The following ANK2 variants were observed in gnomAD, a reference collection of about 807,000 sequenced individuals.
ANK2 encodes ankyrin 2, also known as ankyrin-2.
ANK2 carries 83 observed loss-of-function variants against 360.5 expected under a neutral mutation model. The ratio of observed to expected loss-of-function variants is 0.23; its 90% CI spans 0.19 to 0.28. The LOEUF (loss-of-function observed/expected upper bound fraction) is 0.28. ANK2 is among the 10% of genes least tolerant of loss of function. The pLI, the probability that ANK2 is intolerant of heterozygous loss-of-function variation, is 1.00. For missense variants in ANK2, 4,201 were observed against 4,795.7 expected (o/e 0.88, Z 3.66); for synonymous variants, 1,740 against 1,759.5 (o/e 0.99, Z 0.28).
At chr4:112,927,983 T>C (rs2154232819) in intron 2 of ANK2, among the ~76,000 whole-genome samples, 1 of 152,346 alleles carries the variant, frequency 6.6e-6, no homozygotes, top group Admixed American at 6.5e-5. Context: ...TTAGCCTACA[T>C]AATTTATAAG....
intron 1 of ANK2, among the ~76,000 whole-genome samples, chr4:112,868,510 A>G (rs780751266): frequency 1.8e-4 from 27 of 152,366 alleles, no homozygotes; most frequent in Non-Finnish European, 2.8e-4. Context: ...TCTGCTCCTG[A>G]GGGCAGAGCC....
chr4:112,827,183 C>A (rs1172278191), intron 1 of ANK2: 14 of 1,150,174 alleles, frequency 1.2e-5, no homozygotes, highest in Admixed American at 8.4e-5. Context: ...TGTAGTGATA[C>A]CAGGTCACAC....
At chr4:112,964,943 C>T (rs1199477703) in intron 2 of ANK2, among the ~76,000 whole-genome samples, 2 of 152,130 alleles carry the variant, frequency 1.3e-5, no homozygotes, top group Non-Finnish European at 2.9e-5. Flanking sequence ...CTATTGTGAA[C>T]AGTACCGTAA....
At chr4:113,158,252 C>A (rs888326528) in intron 1 of ANK2, among the ~76,000 whole-genome samples, 1 of 152,110 alleles carries the variant, frequency 6.6e-6, no homozygotes, top group Non-Finnish European at 1.5e-5. Flanking sequence ...TGAAGAATTG[C>A]CTTGCTTGCT....
At chr4:112,957,766 C>T (rs571378565) in intron 2 of ANK2, among the ~76,000 whole-genome samples, 3 of 150,636 alleles carry the variant, frequency 2.0e-5, no homozygotes, top group Non-Finnish European at 4.4e-5. Flanking sequence ...GACGGGGTGG[C>T]TGCCGGGCGG....
chr4:112,763,915 A>G, the ANK2 span, among the ~76,000 whole-genome samples: 2 of 151,840 alleles, frequency 1.3e-5, no homozygotes, highest in African/African-American at 2.4e-5. Context: ...TCTCACACTT[A>G]AAGTTTAACA....
At chr4:112,927,524 T>G (rs536467245) in intron 2 of ANK2, among the ~76,000 whole-genome samples, 2 of 152,272 alleles carry the variant, frequency 1.3e-5, no homozygotes, top group African/African-American at 4.8e-5. Context: ...TGTTGCCCCT[T>G]TCAGAAGTTG....
chr4:113,199,999 A>G (rs761279041), intron 4 of ANK2, among the ~76,000 whole-genome samples: 43 of 152,210 alleles, frequency 2.8e-4, no homozygotes, highest in Non-Finnish European at 4.9e-4. Context: ...CTGGACCTAG[A>G]AAATACAAAA....
chr4:112,719,726 CA>C, the ANK2 span, among the ~76,000 whole-genome samples: 21,829 of 101,376 alleles, frequency 0.22, 1,530 homozygotes, highest in East Asian at 0.34. Context: ...GACTCCGACT[CA>C]AAAAAAAAAA....
intron 17 of ANK2, among the ~76,000 whole-genome samples, chr4:113,278,875 A>AT (rs2061223732): frequency 6.6e-6 from 1 of 152,188 alleles, no homozygotes; most frequent in Non-Finnish European, 1.5e-5. Context: ...AGTCATTAAC[A>AT]TATTTTCTCT....
chr4:113,264,200 C>CA (rs78697385), intron 13 of ANK2, among the ~76,000 whole-genome samples: 21,390 of 151,978 alleles, frequency 0.14, 1,566 homozygotes, highest in East Asian at 0.27. Context: ...TCTCATAACA[C>CA]AAAAAAATCA....
chr4:113,103,808 A>C (rs963052169), intron 1 of ANK2, among the ~76,000 whole-genome samples: 5 of 152,184 alleles, frequency 3.3e-5, no homozygotes, highest in Non-Finnish European at 7.3e-5. Context: ...AGGAAGTGGA[A>C]TATGTACACA....
chr4:112,924,963 T>C (rs1033406621), intron 2 of ANK2, among the ~76,000 whole-genome samples: 3 of 151,666 alleles, frequency 2.0e-5, no homozygotes, highest in African/African-American at 7.3e-5. Flanking sequence ...CTCAGCCTCC[T>C]GAGTAGCTGG....
intron 32 of ANK2, among the ~76,000 whole-genome samples, chr4:113,339,617 T>A (rs574871774): frequency 3.3e-5 from 5 of 152,330 alleles, no homozygotes; most frequent in African/African-American, 9.6e-5. Context: ...ACTTCCAAAG[T>A]CCTTAGGAAT....
chr4:113,330,953 T>G (rs1185079985), intron 27 of ANK2, among the ~76,000 whole-genome samples: 1 of 152,224 alleles, frequency 6.6e-6, no homozygotes, highest in Non-Finnish European at 1.5e-5. Context: ...CTATCAAAAT[T>G]GCTACCTTGA....
At chr4:113,251,035 T>C (rs1586142080) in intron 10 of ANK2, among the ~76,000 whole-genome samples, 1 of 152,128 alleles carries the variant, frequency 6.6e-6, no homozygotes, top group East Asian at 1.9e-4. Context: ...GAATGTTGTA[T>C]AGATCTGTCT....
intron 1 of ANK2, among the ~76,000 whole-genome samples, chr4:112,819,950 ACT>A (rs1398778856): frequency 1.3e-5 from 2 of 151,558 alleles, no homozygotes; most frequent in East Asian, 1.9e-4. Flanking sequence ...CATGCCTAAA[ACT>A]CTCTGAAGGG....
chr4:113,249,287 G>A (rs1270523980), intron 9 of ANK2, among the ~76,000 whole-genome samples: 1 of 152,160 alleles, frequency 6.6e-6, no homozygotes, highest in Non-Finnish European at 1.5e-5. Context: ...ATTCAAAAGA[G>A]AACATATGTG....
intron 2 of ANK2, among the ~76,000 whole-genome samples, chr4:112,991,647 A>T (rs1390198424): frequency 8.7e-6 from 1 of 114,970 alleles, no homozygotes. Context: ...CAATATGGAT[A>T]GGCTGAGAAT....
Sources: allele counts gnomAD v4.1 joint callset (sites outside exome capture counted in the v4.1 genomes callset), GRCh38; gene constraint gnomAD v4.1.1; transcripts MANE v1.5; gene names NCBI Gene and HGNC (gene_info 2026-07-23, HGNC 2026-07-21).